The following AEBP2 variants were observed in gnomAD, a reference collection of about 807,000 sequenced individuals.
AEBP2 encodes the protein zinc finger protein AEBP2.
Under a neutral mutation model 50.8 loss-of-function variants are expected in AEBP2, and 10 were observed. The ratio of observed to expected loss-of-function variants is 0.20; its 90% CI spans 0.12 to 0.33. The LOEUF is 0.33. Among genes scored for constraint, AEBP2 ranks in the 10% least tolerant of loss-of-function variants. The pLI is 1.00. For missense variants in AEBP2, 570 were observed against 688.0 expected, an observed-to-expected ratio of 0.83 and a Z score of 1.92; for synonymous variants, 296 against 261.3, an observed-to-expected ratio of 1.13 and a Z score of -1.28.
chr12:19,462,845 GA>G (rs1185011288), intron 2 of AEBP2, 128 bp downstream of exon 2: 1 of 811,416 alleles, frequency 1.2e-6, no homozygotes, highest in Non-Finnish European at 1.9e-6. Flanking sequence ...TTTTTCAAGT[GA>G]ATTTTTAATA....
At chr12:19,440,567 A>T in intron 1 of AEBP2, 197 bp downstream of exon 1, 1 of 1,407,126 alleles carries the variant, frequency 7.1e-7, no homozygotes, top group Non-Finnish European at 9.3e-7. Context: ...CCAACTCTCA[A>T]ACCGTTCCCC....
At chr12:19,487,735 AAAG>A (rs1948832173) in intron 3 of AEBP2, among the ~76,000 whole-genome samples, 2 of 152,140 alleles carry the variant, frequency 1.3e-5, no homozygotes, top group African/African-American at 4.8e-5. Flanking sequence ...AAAGAAAAAA[AAAG>A]AGTGAAAAAA....
Position 19,440,011 on chromosome 12 carries a change from G to A in AEBP2, c.312G>A (p.Glu104=). 2 of 1,525,568 alleles carry A rather than the reference G, an allele frequency of 1.3e-6. No homozygotes were observed. Among genetic ancestry groups the A allele is most frequent in the South Asian group, 2.4e-5 (2 of 83,656 alleles). 94.5% of individuals were successfully genotyped at this position (1,525,568 alleles called of 1,614,324 possible). The part of the protein sequence containing the change: ...GEDEDEEEDD[E]EEEDESSSSG... Reference sequence around the variant, plus strand: ...ACGAAGACGAGGAGGAGGACGACGAGGAGGAGGAAGATGAGAGCAGCAGCA... The same window carrying A: ...ACGAAGACGAGGAGGAGGACGACGAAGAGGAGGAAGATGAGAGCAGCAGCA... Residue 104 remains glutamate (E), a synonymous_variant, in exon 1 of 8, where the codon GAG becomes GAA. Coordinates refer to ENST00000266508, the MANE Select transcript of AEBP2 (RefSeq NM_153207.5).
chr12:19,476,791 C>G (rs1306656766), intron 3 of AEBP2, among the ~76,000 whole-genome samples: 1 of 152,136 alleles, frequency 6.6e-6, no homozygotes, highest in Non-Finnish European at 1.5e-5. Flanking sequence ...CTTTGGCTAT[C>G]TGGGCTCTCT....
intron 1 of AEBP2, among the ~76,000 whole-genome samples, chr12:19,461,550 AC>A (rs1464746339): frequency 6.6e-6 from 1 of 151,888 alleles, no homozygotes. Context: ...TTGCTCGTTG[AC>A]CAGGTTGGAG....
upstream of AEBP2, among the ~76,000 whole-genome samples, chr12:19,439,126 T>C (rs1010943248): frequency 3.9e-5 from 6 of 152,170 alleles, no homozygotes; most frequent in Admixed American, 1.3e-4. Context: ...CCTTACACCG[T>C]AGTGTTTTAA....
In AEBP2 at chr12:19,441,812, A is replaced by T. The variant is rs542576074; in HGVS notation, c.671+1442A>T. On this transcript the variant is annotated intron_variant, in intron 1 of 7. Coordinates refer to ENST00000266508, the MANE Select transcript of AEBP2 (RefSeq NM_153207.5). ...AAGCATGTGCTATTTTTACCATTTT[A>T]TGCTCCTCTGATACCATTACATATC... is the stretch of plus-strand genomic sequence containing the variant. 4.6e-5 allele frequency among the ~76,000 whole-genome samples: 7 copies of T among 152,320 alleles called. No individual in the cohort carries two copies. In the South Asian group the frequency reaches 1.4e-3, roughly 32 times the overall value.
chr12:19,440,160 G>A lies in AEBP2; in HGVS notation c.461G>A (p.Gly154Asp). The A allele has an allele frequency of 1.3e-6, 2 of 1,503,220 alleles. No individual in the cohort carries two copies. Among genetic ancestry groups the A allele is most frequent in the Non-Finnish European group, 1.8e-6 (2 of 1,133,404 alleles). 93.1% of individuals were successfully genotyped at this position (1,503,220 alleles called of 1,614,324 possible). The stretch of plus-strand genomic sequence containing the variant: ...AGCAGCAGCAGCGGGGATGGGGACG[G>A]CAAGGAGGGCCTGGAGGAGCCCAAG... ...AASSSSGDGD[G>D]KEGLEEPKGP... Residue 154 changes from glycine to aspartate, a missense_variant, in exon 1 of 8, where the codon GGC (glycine) becomes GAC (aspartate). Physicochemically the swap from Gly to Asp is moderately conservative, Grantham distance 94. This residue lies in a region of AEBP2 where 386 missense variants were observed against 336.8 expected (regional missense o/e 1.15). Coordinates refer to ENST00000266508, the MANE Select transcript of AEBP2 (RefSeq NM_153207.5).
rs1191086136 is a variant in AEBP2 at position 19,440,382 on chromosome 12, G to T, written c.671+12G>T. 1 of 1,474,180 alleles carries T rather than the reference G, an allele frequency of 6.8e-7. No homozygotes were observed. Among genetic ancestry groups the T allele is most frequent in the South Asian group, 1.4e-5 (1 of 69,692 alleles). 91.3% of individuals were successfully genotyped at this position (1,474,180 alleles called of 1,614,324 possible). On this transcript the variant is annotated intron_variant, in intron 1 of 7. Transcript: ENST00000266508. Reference sequence around the variant, plus strand: ...GACTCGGAGGACAGGTCAGTGCTCTGAAGCGTTTCCCCTTCCCTTCCTCCT... The same window carrying T: ...GACTCGGAGGACAGGTCAGTGCTCTTAAGCGTTTCCCCTTCCCTTCCTCCT...
chr12:19,421,354 A>AG (rs1361873226), intron 1 of AEBP2, among the ~76,000 whole-genome samples: 2 of 151,258 alleles, frequency 1.3e-5, no homozygotes, highest in African/African-American at 4.8e-5. Flanking sequence ...CAAAAAAAAA[A>AG]AAAAAAAAAA....
chr12:19,485,708 C>CAAAAA (rs35033010), intron 3 of AEBP2, among the ~76,000 whole-genome samples: 2 of 124,774 alleles, frequency 1.6e-5, no homozygotes, highest in African/African-American at 3.1e-5. Context: ...GACCCTGTCT[C>CAAAAA]AAAAAAAAAA....
rs186464924 is a variant in AEBP2, at chr12:19,422,990, G to A, written c.-17+18774G>A. Among the ~76,000 whole-genome samples, 433 of 136,460 alleles carry A rather than the reference G, an allele frequency of 3.2e-3. 3 individuals are homozygous for A. Among genetic ancestry groups the A allele is most frequent in the African/African-American group, 0.011 (413 of 37,444 alleles). The allele number at this position is 136,460 out of a possible 152,430, so 89.5% of individuals were successfully genotyped here. A position where few individuals can be genotyped will look rare whatever the true frequency, so the allele number is the denominator to read the frequency against. On this transcript the variant is annotated intron_variant, in intron 1 of 3. Transcript: ENST00000538425. ...TGAGGCAGGACAATCACTTGAACCCGGAAGGCAGAGGTTGCAGTGAGCCGA... is the reference window on the plus strand; with the variant it reads ...TGAGGCAGGACAATCACTTGAACCCAGAAGGCAGAGGTTGCAGTGAGCCGA...
At chr12:19,459,603 T>G (rs116051769) in intron 1 of AEBP2, among the ~76,000 whole-genome samples, 1 of 152,196 alleles carries the variant, frequency 6.6e-6, no homozygotes, top group Non-Finnish European at 1.5e-5. Flanking sequence ...ATACCCAAGG[T>G]TAGTCTTGCA....
intron 4 of AEBP2, among the ~76,000 whole-genome samples, chr12:19,498,765 A>G (rs545926140): frequency 1.3e-5 from 2 of 152,320 alleles, no homozygotes; most frequent in East Asian, 3.9e-4. Flanking sequence ...TTGAAATTTG[A>G]AAAATGTTCT....
intron 1 of AEBP2, among the ~76,000 whole-genome samples, chr12:19,460,779 C>A (rs775377475): frequency 2.3e-4 from 35 of 151,926 alleles, no homozygotes; most frequent in Non-Finnish European, 3.2e-4. Context: ...CTCAGTCTCC[C>A]GAGTAGCTGG....
chr12:19,455,190 G>T (rs148602570), intron 1 of AEBP2, among the ~76,000 whole-genome samples: 1 of 151,296 alleles, frequency 6.6e-6, no homozygotes, highest in Admixed American at 6.6e-5. Context: ...ACAGGGTCTT[G>T]CTATGTTGCC....
At chr12:19,480,430 C>G (rs867564478) in intron 3 of AEBP2, among the ~76,000 whole-genome samples, 1 of 152,100 alleles carries the variant, frequency 6.6e-6, no homozygotes, top group African/African-American at 2.4e-5. Flanking sequence ...TGGTGTGTTT[C>G]GAGGTTTTAT....
intron 1 of AEBP2, among the ~76,000 whole-genome samples, chr12:19,423,711 T>G (rs548070900): frequency 2.0e-5 from 3 of 152,204 alleles, no homozygotes; most frequent in African/African-American, 7.2e-5. Context: ...CACCATGGCT[T>G]ACGCCTGTAA....
At chr12:19,513,949 T>C (rs1284338170) in intron 6 of AEBP2, among the ~76,000 whole-genome samples, 1 of 151,516 alleles carries the variant, frequency 6.6e-6, no homozygotes, top group Non-Finnish European at 1.5e-5. Context: ...TTATTTCTTT[T>C]TTTTTTTTTT....
Sources: gnomAD v4.1 joint callset for allele counts (sites outside exome capture counted in the v4.1 genomes callset) on GRCh38, gnomAD v4.1.1 for gene constraint, gnomAD v4.1.1 regional missense constraint, MANE v1.5 for transcripts, NCBI Gene and HGNC (gene_info 2026-07-23, HGNC 2026-07-21) for gene names.